Variants in PLCL2 observed in about 807,000 individuals in gnomAD.
PLCL2 encodes the protein inactive phospholipase C-like protein 2.
PLCL2 carries 4 observed loss-of-function variants against 79.6 expected under a neutral mutation model. The observed-to-expected ratio is 0.05, with a 90% confidence interval of 0.02 to 0.11. PLCL2 has a LOEUF of 0.11. Among genes scored for constraint, PLCL2 ranks in the 10% least tolerant of loss-of-function variants. The pLI, the probability that PLCL2 is intolerant of heterozygous loss-of-function variation, is 1.00. For missense variants in PLCL2, 895 were observed against 1,291.0 expected (o/e 0.69, Z 4.70); for synonymous variants, 484 against 457.7 (o/e 1.06, Z -0.73).
intron 1 of PLCL2, among the ~76,000 whole-genome samples, chr3:16,888,799 A>G (rs1048889641): frequency 6.6e-6 from 1 of 152,236 alleles, no homozygotes; most frequent in African/African-American, 2.4e-5. Flanking sequence ...AATGAAGTTA[A>G]AATGTCTATT....
At chr3:16,980,989 A>G (rs912640701) in intron 1 of PLCL2, among the ~76,000 whole-genome samples, 4 of 152,236 alleles carry the variant, frequency 2.6e-5, no homozygotes, top group African/African-American at 9.6e-5. Flanking sequence ...TACGAAAACC[A>G]GTCAAGCGTG....
At chr3:17,074,094 C>T (rs566828820) in intron 5 of PLCL2, among the ~76,000 whole-genome samples, 39 of 152,312 alleles carry the variant, frequency 2.6e-4, no homozygotes, top group African/African-American at 8.4e-4. Context: ...CCCGATTCAT[C>T]AGAGGAATCA....
rs2064332737 is a variant in PLCL2 at position 17,012,124 on chromosome 3, T to G, written c.2778T>G (p.Pro926=). 1.2e-6 allele frequency: 2 copies of G among 1,613,842 alleles called. No homozygotes were observed. Among genetic ancestry groups the G allele is most frequent in the East Asian group, 4.5e-5 (2 of 44,880 alleles). The change falls in exon 2 of 6, where the codon CCT becomes CCG. Residue 926 remains proline, a synonymous_variant. Coordinates refer to ENST00000615277, the MANE Select transcript of PLCL2 (RefSeq NM_001144382.2). ...AGGTATTCAAGAATGCCCAGCCCCC[T>G]ATACGGGATGCCACAGATCTGAGAG... The part of the protein sequence containing the change: ...VDEVFKNAQP[P]IRDATDLREN...
chr3:16,897,191 A>G (rs1408001926), intron 1 of PLCL2, among the ~76,000 whole-genome samples: 2 of 152,094 alleles, frequency 1.3e-5, no homozygotes, highest in Non-Finnish European at 2.9e-5. Context: ...ATGTCAATGA[A>G]GGGGAATAAT....
At chr3:17,054,320 C>T (rs1268813502) in intron 4 of PLCL2, among the ~76,000 whole-genome samples, 2 of 152,124 alleles carry the variant, frequency 1.3e-5, no homozygotes, top group African/African-American at 4.8e-5. Context: ...ACTTCATTGT[C>T]CATGTCACTA....
intron 1 of PLCL2, among the ~76,000 whole-genome samples, chr3:16,951,132 C>G (rs1311454503): frequency 6.6e-6 from 1 of 151,918 alleles, no homozygotes; most frequent in Non-Finnish European, 1.5e-5. Context: ...GTTTTTTTTC[C>G]TGAGTAGTTT....
At chr3:17,085,826 C>A (rs2065214159) in intron 5 of PLCL2, among the ~76,000 whole-genome samples, 1 of 152,066 alleles carries the variant, frequency 6.6e-6, no homozygotes, top group African/African-American at 2.4e-5. Flanking sequence ...ATTAGAACCC[C>A]CAGAAATAAA....
chr3:17,010,693 G>A lies in PLCL2; in HGVS notation c.1347G>A (p.Gln449=). 1 of 1,614,146 alleles carries A rather than the reference G, an allele frequency of 6.2e-7. No homozygotes were observed. Among genetic ancestry groups the A allele is most frequent in the Non-Finnish European group, 8.5e-7 (1 of 1,180,006 alleles). Reference sequence around the variant, plus strand: ...ATAATACATACTTAATAGAGGATCAGTTCCGAGGTCCCTCCGACATCACAG... The same window carrying A: ...ATAATACATACTTAATAGAGGATCAATTCCGAGGTCCCTCCGACATCACAG... The part of the protein sequence containing the change: ...SSHNTYLIED[Q]FRGPSDITGY... The change falls in exon 2 of 6, where the codon CAG becomes CAA. Residue 449 remains glutamine, a synonymous_variant. Transcript: ENST00000615277. This position sits in a 1 kb window ranked among gnomAD's most constrained non-coding sequence, Gnocchi z 5.8.
At chr3:16,947,570 A>G (rs1035467437) in intron 1 of PLCL2, among the ~76,000 whole-genome samples, 2 of 152,218 alleles carry the variant, frequency 1.3e-5, no homozygotes, top group Non-Finnish European at 2.9e-5. Flanking sequence ...GAAGTGTTTT[A>G]GAAACGGAAT....
intron 1 of PLCL2, among the ~76,000 whole-genome samples, chr3:16,895,366 G>A (rs918242841): frequency 6.6e-6 from 1 of 152,034 alleles, no homozygotes; most frequent in South Asian, 2.1e-4. Flanking sequence ...TATTTTTCAT[G>A]TTTAGATCTG....
intron 1 of PLCL2, among the ~76,000 whole-genome samples, chr3:16,925,248 A>G (rs797022244): frequency 2.0e-5 from 3 of 151,652 alleles, no homozygotes; most frequent in African/African-American, 7.2e-5. Flanking sequence ...TTTAATGTAA[A>G]ATGATTTAGG....
intron 1 of PLCL2, among the ~76,000 whole-genome samples, chr3:16,945,038 G>T (rs1207819057): frequency 1.3e-5 from 2 of 152,180 alleles, no homozygotes; most frequent in African/African-American, 4.8e-5. Flanking sequence ...GGGATTACAG[G>T]TGTGAGCCAC....
At chr3:16,961,238 A>G (rs2063751663) in intron 1 of PLCL2, among the ~76,000 whole-genome samples, 1 of 152,214 alleles carries the variant, frequency 6.6e-6, no homozygotes, top group Non-Finnish European at 1.5e-5. Flanking sequence ...TAGAAGTTGA[A>G]GTTCTTATAT....
chr3:16,975,991 T>A (rs2063922113), intron 1 of PLCL2, among the ~76,000 whole-genome samples: 1 of 152,086 alleles, frequency 6.6e-6, no homozygotes, highest in Non-Finnish European at 1.5e-5. Flanking sequence ...AATTCCCGTT[T>A]TAGAAAGAAC....
chr3:16,945,245 C>G (rs374261244), intron 1 of PLCL2, among the ~76,000 whole-genome samples: 1 of 147,674 alleles, frequency 6.8e-6, no homozygotes, highest in Non-Finnish European at 1.5e-5. Context: ...CACATACACA[C>G]ACACACACAC....
At chr3:16,974,357 T>C (rs960983885) in intron 1 of PLCL2, among the ~76,000 whole-genome samples, 5 of 151,856 alleles carry the variant, frequency 3.3e-5, no homozygotes, top group African/African-American at 7.3e-5. Flanking sequence ...AGAGACATAA[T>C]GTGGTGGTGG....
intron 1 of PLCL2, among the ~76,000 whole-genome samples, chr3:17,003,807 A>G (rs570279615): frequency 6.6e-6 from 1 of 152,180 alleles, no homozygotes; most frequent in Non-Finnish European, 1.5e-5. Context: ...CCCTGGGGCA[A>G]TGGATCTTTG....
At chr3:16,938,976 C>T (rs1210805010) in intron 1 of PLCL2, among the ~76,000 whole-genome samples, 2 of 152,188 alleles carry the variant, frequency 1.3e-5, no homozygotes, top group Admixed American at 1.3e-4. Flanking sequence ...TAACAGCTAG[C>T]TGTGTAGTTT....
At chr3:17,019,757 A>G (rs1241308881) in intron 3 of PLCL2, among the ~76,000 whole-genome samples, 3 of 152,210 alleles carry the variant, frequency 2.0e-5, no homozygotes, top group Non-Finnish European at 4.4e-5. Flanking sequence ...GCAATCATAA[A>G]TGTCTGAACA....
Sources: gnomAD v4.1 joint callset for allele counts (sites outside exome capture counted in the v4.1 genomes callset) on GRCh38, gnomAD v4.1.1 for gene constraint, Gnocchi (gnomAD v3.1) non-coding constraint, MANE v1.5 for transcripts, NCBI Gene and HGNC (gene_info 2026-07-23, HGNC 2026-07-21) for gene names.